The following HDC variants were observed in gnomAD, a reference collection of about 807,000 sequenced individuals.
HDC encodes the protein histidine decarboxylase.
A neutral mutation model predicts 64.4 loss-of-function variants in HDC; 27 were observed. The ratio of observed to expected loss-of-function variants is 0.42; its 90% CI spans 0.31 to 0.58. The LOEUF is 0.58. Among genes scored for constraint, HDC ranks in the 20% least tolerant of loss-of-function variants. HDC has a pLI of 0.16. For synonymous variants in HDC, 305 were observed against 314.2 expected (o/e 0.97, Z 0.31); for missense variants, 711 against 833.9 (o/e 0.85, Z 1.81).
At chr15:50,259,759 T>C (rs571664081) in intron 2 of HDC, among the ~76,000 whole-genome samples, 11 of 152,306 alleles carry the variant, frequency 7.2e-5, no homozygotes, top group Admixed American at 7.2e-4. Flanking sequence ...TTCTAGATGT[T>C]TCACTCTACT....
chr15:50,243,684 T>C (rs2045435872), intron 10 of HDC, among the ~76,000 whole-genome samples: 1 of 152,222 alleles, frequency 6.6e-6, no homozygotes, highest in Admixed American at 6.5e-5. Context: ...GTAGTGCACA[T>C]CAAGTTGCCA....
At chr15:50,251,372 C>T (rs189852494) in intron 9 of HDC, among the ~76,000 whole-genome samples, 1 of 152,292 alleles carries the variant, frequency 6.6e-6, no homozygotes, top group African/African-American at 2.4e-5. Flanking sequence ...ACACGTGTTC[C>T]CATTTAAGCT....
At position 50,248,137 on chromosome 15, in the gene HDC, C is replaced by T; in HGVS notation, c.1140+108G>A. 1 of 771,456 alleles carries T rather than the reference C, an allele frequency of 1.3e-6. No homozygotes were observed. Among genetic ancestry groups the T allele is most frequent in the East Asian group, 2.7e-5 (1 of 37,498 alleles). The allele number at this position is 771,456 out of a possible 1,614,324, so 47.8% of individuals were successfully genotyped here. ...GAGGAACAGGCCCAGACACCTGAAC[C>T]ACACACCGCAAGTCTCCTAGGCAGA... On this transcript the variant is annotated intron_variant, in intron 10 of 11. Transcript: ENST00000267845. This position sits in a 1 kb window ranked among gnomAD's most constrained non-coding sequence, Gnocchi z 4.3.
In HDC at chr15:50,252,764, C is replaced by T; in HGVS notation, c.798G>A (p.Glu266=). ...CAGCATCGATGTGGAGCCACAGCCC[C>T]TCACGGGCACCTGAGGAGGCAAACA... ...LSELGPICAR[E]GLWLHIDAAY... is the part of the protein sequence containing the mutation. The change falls in exon 8 of 12, where the codon GAG becomes GAA. Residue 266 remains glutamate, a synonymous_variant. Transcript: ENST00000267845. 6.2e-7 allele frequency: 1 copy of T among 1,613,264 alleles called. No homozygotes were observed. Among genetic ancestry groups the T allele is most frequent in the Non-Finnish European group, 8.5e-7 (1 of 1,179,678 alleles).
chr15:50,250,121 G>A, intron 9 of HDC, among the ~76,000 whole-genome samples: 1 of 152,222 alleles, frequency 6.6e-6, no homozygotes, highest in East Asian at 1.9e-4. Context: ...CGCTGTCAGA[G>A]AATCTAGCCC....
At chr15:50,256,805 C>G (rs1247634983) in intron 4 of HDC, among the ~76,000 whole-genome samples, 1 of 152,142 alleles carries the variant, frequency 6.6e-6, no homozygotes, top group African/African-American at 2.4e-5. Context: ...AAGTAGAATT[C>G]AAGAATCTGA....
chr15:50,254,103 T>C, intron 6 of HDC, 27 bp downstream of exon 6: 1 of 1,613,640 alleles, frequency 6.2e-7, no homozygotes, highest in Non-Finnish European at 8.5e-7. Flanking sequence ...TCTATCATTC[T>C]AAGCTTAGGC....
intron 2 of HDC, 79 bp from the exon 3 acceptor site, chr15:50,258,596 AAGGT>A: frequency 1.2e-6 from 1 of 809,148 alleles, no homozygotes; most frequent in Non-Finnish European, 2.2e-6. Context: ...CATCTCTGGC[AAGGT>A]GAAGTGTCAC....
intron 4 of HDC, among the ~76,000 whole-genome samples, chr15:50,257,077 A>C (rs2045642291): frequency 1.3e-5 from 2 of 152,232 alleles, no homozygotes. Flanking sequence ...AGAGAAAGAG[A>C]AGTCCTCTCC....
intron 11 of HDC, 68 bp from the exon 12 acceptor site, chr15:50,243,074 T>C: frequency 6.2e-7 from 1 of 1,613,776 alleles, no homozygotes; most frequent in East Asian, 2.2e-5. Flanking sequence ...AGCCCAGCAT[T>C]TGTGTTTCCG....
intron 5 of HDC, 65 bp downstream of exon 5, chr15:50,254,465 T>G: frequency 1.2e-6 from 2 of 1,611,932 alleles, no homozygotes; most frequent in Non-Finnish European, 1.7e-6. Context: ...AAAAAATTGC[T>G]CAAGGACCAA....
chr15:50,252,109 C>T (rs193294090), intron 9 of HDC, among the ~76,000 whole-genome samples: 31 of 152,258 alleles, frequency 2.0e-4, no homozygotes, highest in Non-Finnish European at 3.7e-4. Context: ...AAAGATGACC[C>T]GAGATGGAGG....
chr15:50,256,381 G>C (rs1486320370), intron 4 of HDC, among the ~76,000 whole-genome samples: 1 of 152,148 alleles, frequency 6.6e-6, no homozygotes, highest in Non-Finnish European at 1.5e-5. Flanking sequence ...TCATCTCAGA[G>C]CAACATGGCA....
At position 50,265,574 on chromosome 15, in the gene HDC, A is replaced by G. The variant is rs2045756121; in HGVS notation, c.31+19T>C. The G allele has an allele frequency of 6.2e-7, 1 of 1,612,498 alleles. No homozygotes were observed. The highest frequency in any genetic ancestry group is 1.1e-5 in the South Asian group (1 of 91,036). On this transcript the variant is annotated intron_variant, in intron 1 of 11. Coordinates refer to ENST00000267845, the MANE Select transcript of HDC (RefSeq NM_002112.4). ...AGGAGTAGCAGCAGGGAAGAGGGCCAGGGATGCCCGTTGCTCACCTCTCTC... is the reference window on the plus strand; with the variant it reads ...AGGAGTAGCAGCAGGGAAGAGGGCCGGGGATGCCCGTTGCTCACCTCTCTC...
chr15:50,256,418 T>C (rs951402458), intron 4 of HDC, among the ~76,000 whole-genome samples: 1 of 152,200 alleles, frequency 6.6e-6, no homozygotes, highest in East Asian at 1.9e-4. Context: ...AGACAAGGTC[T>C]TACACTGTCG....
rs948249849 is a variant in HDC at position 50,252,150 on chromosome 15, G to T, written c.1041+280C>A. Among the ~76,000 whole-genome samples the T allele has an allele frequency of 9.2e-5, 14 of 152,352 alleles. 1 individual carries two copies. Among genetic ancestry groups the T allele is most frequent in the African/African-American group, 3.4e-4 (14 of 41,582 alleles). On this transcript the variant is annotated intron_variant, in intron 9 of 11. Coordinates refer to ENST00000267845, the MANE Select transcript of HDC (RefSeq NM_002112.4). ...GGAACTGGTCCACCTGTGGTAGGAA[G>T]AGCATTTCTGGGAATTAAAAAATGC...
In HDC at chr15:50,242,774, G is replaced by C. The variant is rs2140922110; in HGVS notation, c.1475C>G (p.Ser492Cys). The C allele has an allele frequency of 1.2e-6, 2 of 1,613,984 alleles. No individual in the cohort carries two copies. The highest frequency in any genetic ancestry group is 1.3e-5 in the African/African-American group (1 of 75,032). Reference sequence around the variant, plus strand: ...CCAGGCTCTGGCACCCCTGATTTGGGAGATGAGGTTCCCAACCCGAGGGCT... The same window carrying C: ...CCAGGCTCTGGCACCCCTGATTTGGCAGATGAGGTTCCCAACCCGAGGGCT... ...QPSPRVGNLI[S>C]QIRGARAWAC... Residue 492 changes from serine (S) to cysteine (C), a missense_variant, in exon 12 of 12, where the codon TCC becomes TGC. Ser to Cys is a moderately radical substitution (Grantham distance 112). Around this residue, in one of 3 missense-constraint regions of HDC, gnomAD observed 483 missense variants for 540.9 expected, o/e 0.89. Transcript: ENST00000267845.
chr15:50,263,811 G>C (rs766068194), intron 1 of HDC, among the ~76,000 whole-genome samples: 1 of 152,054 alleles, frequency 6.6e-6, no homozygotes, highest in Non-Finnish European at 1.5e-5. Context: ...TTCATGGGCC[G>C]AGGGTAGGAT....
At chr15:50,253,800 TTA>T (rs2045589896) in intron 6 of HDC, 134 bp from the exon 7 acceptor site, 1 of 762,582 alleles carries the variant, frequency 1.3e-6, no homozygotes, top group Non-Finnish European at 2.3e-6. Context: ...AGACTGTGTT[TTA>T]CCATGGCTCG....
Sources: allele counts gnomAD v4.1 joint callset (sites outside exome capture counted in the v4.1 genomes callset), GRCh38; gene constraint gnomAD v4.1.1; regional missense constraint gnomAD v4.1.1; non-coding constraint Gnocchi (gnomAD v3.1); transcripts MANE v1.5; gene names NCBI Gene and HGNC (gene_info 2026-07-23, HGNC 2026-07-21).